Variants in NHERF4 observed in about 807,000 individuals in gnomAD.
NHERF4 encodes the protein NHERF family PDZ scaffold protein 4.
the NHERF4 span, chr11:119,187,673 G>A: frequency 6.5e-7 from 1 of 1,531,816 alleles, no homozygotes; most frequent in African/African-American, 1.4e-5. Flanking sequence ...GTGTGGAGAA[G>A]TTCACTCACA....
chr11:119,186,285 G>A, the NHERF4 span: 28 of 1,607,232 alleles, frequency 1.7e-5, no homozygotes, highest in Non-Finnish European at 2.4e-5. This position sits in a 1 kb window ranked among gnomAD's most constrained non-coding sequence, Gnocchi z 4.4. Context: ...CCTTGGTTGG[G>A]AGTAGAGATA....
chr11:119,187,732 C>A, the NHERF4 span: 1 of 1,477,016 alleles, frequency 6.8e-7, no homozygotes, highest in East Asian at 2.5e-5. Context: ...TCTCCTCCCC[C>A]AATCCGGGCC....
the NHERF4 span, chr11:119,189,463 G>T: frequency 6.2e-7 from 1 of 1,614,094 alleles, no homozygotes; most frequent in East Asian, 2.2e-5. This position sits in a 1 kb window ranked among gnomAD's most constrained non-coding sequence, Gnocchi z 5.8. Context: ...CTCTGTATAG[G>T]ACTGGGCTCT....
the NHERF4 span, chr11:119,185,948 AC>A: frequency 6.2e-7 from 1 of 1,613,984 alleles, no homozygotes; most frequent in South Asian, 1.1e-5. Flanking sequence ...AGCCTCGTTA[AC>A]TCTGTAAGTG....
chr11:119,187,860 G>A, the NHERF4 span: 2 of 1,470,728 alleles, frequency 1.4e-6, no homozygotes, highest in Non-Finnish European at 1.8e-6. Flanking sequence ...CTTAGTGCCT[G>A]GGAGGAGGGG....
chr11:119,189,249 G>C, the NHERF4 span: 1 of 1,567,466 alleles, frequency 6.4e-7, no homozygotes, highest in Non-Finnish European at 8.7e-7. This position sits in a 1 kb window ranked among gnomAD's most constrained non-coding sequence, Gnocchi z 5.8. Context: ...GCTACAGAGG[G>C]CAGGGAGGAG....
chr11:119,186,269 T>C, the NHERF4 span: 25 of 1,612,292 alleles, frequency 1.6e-5, no homozygotes, highest in Non-Finnish European at 2.0e-5. The surrounding 1 kb of genome is among the most constrained non-coding windows in gnomAD (Gnocchi z 4.4). Context: ...CTCCCTCTGA[T>C]AACAGCCTTG....
chr11:119,188,807 T>C, the NHERF4 span: 1 of 1,614,214 alleles, frequency 6.2e-7, no homozygotes. Context: ...CTGGGCCTGG[T>C]GGCAGCTATG....
chr11:119,185,814 G>C, the NHERF4 span: 1 of 1,425,066 alleles, frequency 7.0e-7, no homozygotes, highest in Non-Finnish European at 9.8e-7. Flanking sequence ...GAGGGGGCAT[G>C]CCCTGAGTTT....
chr11:119,189,053 G>A, the NHERF4 span: 23 of 1,614,030 alleles, frequency 1.4e-5, no homozygotes, highest in Middle Eastern at 1.6e-4. This position sits in a 1 kb window ranked among gnomAD's most constrained non-coding sequence, Gnocchi z 5.8. Context: ...AGTGGGAGAC[G>A]TGATTCTGGA....
chr11:119,187,905 A>C, the NHERF4 span: 3 of 1,502,650 alleles, frequency 2.0e-6, no homozygotes, highest in Non-Finnish European at 2.7e-6. Flanking sequence ...CTCCCTGCCC[A>C]GGTGTTATAC....
At chr11:119,189,070 C>T in the NHERF4 span, 73 of 1,614,128 alleles carry the variant, frequency 4.5e-5, no homozygotes, top group African/African-American at 5.3e-5. The surrounding 1 kb of genome is among the most constrained non-coding windows in gnomAD (Gnocchi z 5.8). Flanking sequence ...TGGAAGTGAA[C>T]GGGTATCCTG....
the NHERF4 span, chr11:119,189,395 C>T: frequency 3.6e-5 from 57 of 1,575,614 alleles, no homozygotes; most frequent in African/African-American, 9.4e-5. This position sits in a 1 kb window ranked among gnomAD's most constrained non-coding sequence, Gnocchi z 5.8. Flanking sequence ...CAGTGCAGGG[C>T]GGGGCAAGAA....
chr11:119,186,781 C>A, the NHERF4 span: 2 of 1,231,092 alleles, frequency 1.6e-6, no homozygotes, highest in Non-Finnish European at 2.2e-6. This position sits in a 1 kb window ranked among gnomAD's most constrained non-coding sequence, Gnocchi z 4.4. Context: ...AGGGCACAAG[C>A]CTCACTCCCC....
At chr11:119,185,593 GCA>G in the NHERF4 span, 6 of 1,364,282 alleles carry the variant, frequency 4.4e-6, no homozygotes, top group Non-Finnish European at 6.3e-6. Flanking sequence ...TGGGACCAGG[GCA>G]CACTTGATTT....
the NHERF4 span, chr11:119,187,205 A>G: frequency 7.6e-7 from 1 of 1,315,122 alleles, no homozygotes; most frequent in Non-Finnish European, 1.0e-6. Flanking sequence ...TGTGGATTCC[A>G]GGGAGGTCCT....
chr11:119,187,158 A>T, the NHERF4 span: 15 of 828,344 alleles, frequency 1.8e-5, no homozygotes, highest in Non-Finnish European at 2.5e-5. Flanking sequence ...AAAAAAAAAA[A>T]GAAAAAGAAA....
At chr11:119,186,442 C>T in the NHERF4 span, 1 of 1,610,132 alleles carries the variant, frequency 6.2e-7, no homozygotes, top group Non-Finnish European at 8.5e-7. The surrounding 1 kb of genome is among the most constrained non-coding windows in gnomAD (Gnocchi z 4.4). Context: ...GCTGTGCCCT[C>T]TCCTCCCCCT....
chr11:119,185,907 C>A, the NHERF4 span: 12 of 1,613,986 alleles, frequency 7.4e-6, no homozygotes, highest in African/African-American at 1.3e-5. Flanking sequence ...TCCTCTCACC[C>A]ACTTCTTTGC....
Sources: allele counts gnomAD v4.1 joint callset, GRCh38; gene constraint gnomAD v4.1.1; non-coding constraint Gnocchi (gnomAD v3.1); transcripts MANE v1.5; gene names NCBI Gene and HGNC (gene_info 2026-07-23, HGNC 2026-07-21).